Variants in HS3ST4 observed in about 807,000 individuals in gnomAD.
The protein encoded by HS3ST4 is heparan sulfate glucosamine 3-O-sulfotransferase 4.
A neutral mutation model predicts 29.2 loss-of-function variants in HS3ST4; 17 were observed. The ratio of observed to expected loss-of-function variants is 0.58; its 90% CI spans 0.40 to 0.87. The LOEUF (loss-of-function observed/expected upper bound fraction) is 0.87, where lower values mean the gene tolerates loss of function less well. HS3ST4 is among the 40% of genes least tolerant of loss of function. The probability of loss-of-function intolerance (pLI) is 0.00; values close to 1 mark genes in which losing one functional copy is unlikely to be tolerated. For synonymous variants in HS3ST4, 314 were observed against 285.7 expected (o/e 1.10, Z -1.00); for missense variants, 627 against 634.5 (o/e 0.99, Z 0.13).
chr16:25,828,264 CTTT>C (rs1967247120), intron 1 of HS3ST4, among the ~76,000 whole-genome samples: 1 of 81,290 alleles, frequency 1.2e-5, no homozygotes, highest in African/African-American at 5.4e-5. Context: ...TTCTTTCTTT[CTTT>C]CTTTCTTTCT....
intron 1 of HS3ST4, among the ~76,000 whole-genome samples, chr16:26,085,056 C>T (rs1047670489): frequency 1.3e-5 from 2 of 152,326 alleles, no homozygotes; most frequent in African/African-American, 4.8e-5. Flanking sequence ...CATGGCCTCT[C>T]AGTTATGACT....
In HS3ST4 at chr16:25,762,893, A is replaced by AAG. The variant is rs1555464551; in HGVS notation, c.734+69743_734+69744insGA. Among the ~76,000 whole-genome samples the AAG allele has an allele frequency of 1.4e-3, 215 of 149,272 alleles. 1 individual carries two copies. The highest frequency in any genetic ancestry group is 4.5e-3 in the African/African-American group (182 of 40,030). ...CCCTGTCTCAAAAAAAAAAAAAAAA[A>AAG]AAAAAAGAAAAAAGAAAGAAAATGC... On this transcript the variant is annotated intron_variant, in intron 1 of 1. Coordinates refer to ENST00000331351, the MANE Select transcript of HS3ST4 (RefSeq NM_006040.3).
chr16:25,882,369 T>C (rs1258540444), intron 1 of HS3ST4, among the ~76,000 whole-genome samples: 1 of 152,096 alleles, frequency 6.6e-6, no homozygotes, highest in East Asian at 1.9e-4. Context: ...TGCAGAAGTT[T>C]ATGTTCCTGA....
intron 1 of HS3ST4, among the ~76,000 whole-genome samples, chr16:25,955,585 C>T (rs546551866): frequency 3.3e-5 from 5 of 152,116 alleles, no homozygotes; most frequent in African/African-American, 1.2e-4. Flanking sequence ...ATCATGCTAA[C>T]CCCCATGCTC....
intron 1 of HS3ST4, among the ~76,000 whole-genome samples, chr16:25,903,145 C>T (rs141866420): frequency 2.9e-4 from 44 of 151,790 alleles, no homozygotes; most frequent in African/African-American, 1.1e-3. Flanking sequence ...CATCTTACCC[C>T]CAAACTCCTT....
intron 1 of HS3ST4, among the ~76,000 whole-genome samples, chr16:25,733,100 G>A (rs1966582643): frequency 6.6e-6 from 1 of 152,148 alleles, no homozygotes; most frequent in African/African-American, 2.4e-5. Context: ...TTATACCTAG[G>A]CTTTCTCTTC....
chr16:26,089,512 T>C (rs1354863406), intron 1 of HS3ST4, among the ~76,000 whole-genome samples: 1 of 152,172 alleles, frequency 6.6e-6, no homozygotes, highest in African/African-American at 2.4e-5. Flanking sequence ...GAAGAGCAGA[T>C]AGAAGGACAA....
At chr16:25,866,066 A>G (rs902265091) in intron 1 of HS3ST4, among the ~76,000 whole-genome samples, 29 of 152,216 alleles carry the variant, frequency 1.9e-4, no homozygotes, top group Non-Finnish European at 5.9e-5. Context: ...TTTGCAAACT[A>G]TCCATTTGTA....
intron 1 of HS3ST4, among the ~76,000 whole-genome samples, chr16:25,989,581 C>T (rs547666541): frequency 4.9e-4 from 74 of 152,240 alleles, no homozygotes; most frequent in African/African-American, 1.6e-3. Context: ...TTAACATAGG[C>T]ATTTACAAGC....
chr16:26,019,635 C>A (rs921285060), intron 1 of HS3ST4, among the ~76,000 whole-genome samples: 5 of 152,122 alleles, frequency 3.3e-5, no homozygotes, highest in African/African-American at 1.2e-4. Context: ...CCGTCTGGCT[C>A]CTGGGATCTA....
chr16:25,834,375 G>C (rs567735168), intron 1 of HS3ST4, among the ~76,000 whole-genome samples: 3 of 152,308 alleles, frequency 2.0e-5, no homozygotes, highest in Non-Finnish European at 2.9e-5. Flanking sequence ...CTGGCCTAGA[G>C]AAATTCTGGC....
chr16:25,752,380 A>G (rs1966727773), intron 1 of HS3ST4, among the ~76,000 whole-genome samples: 1 of 152,186 alleles, frequency 6.6e-6, no homozygotes, highest in East Asian at 1.9e-4. Context: ...CTCATGAAAA[A>G]TGAGTCCTTA....
At chr16:25,846,242 T>A (rs1354910447) in intron 1 of HS3ST4, among the ~76,000 whole-genome samples, 1 of 152,210 alleles carries the variant, frequency 6.6e-6, no homozygotes, top group African/African-American at 2.4e-5. Flanking sequence ...GTAGGAAAAG[T>A]CAAAATAAAT....
At chr16:25,756,788 AT>A (rs1379089661) in intron 1 of HS3ST4, among the ~76,000 whole-genome samples, 2 of 152,346 alleles carry the variant, frequency 1.3e-5, no homozygotes, top group Admixed American at 6.5e-5. Context: ...TGTTAAAAAA[AT>A]AAAAGACCTA....
chr16:25,851,552 G>GTC (rs1452292396), intron 1 of HS3ST4, among the ~76,000 whole-genome samples: 8 of 152,054 alleles, frequency 5.3e-5, no homozygotes, highest in African/African-American at 1.9e-4. Flanking sequence ...TCCACACACT[G>GTC]TCTGTCCCTG....
intron 1 of HS3ST4, among the ~76,000 whole-genome samples, chr16:26,107,007 G>A (rs1038274897): frequency 2.6e-5 from 4 of 151,874 alleles, no homozygotes; most frequent in African/African-American, 7.3e-5. Context: ...GTTCTTCCCC[G>A]TCTTCACAAC....
chr16:25,737,253 C>T (rs959626012), intron 1 of HS3ST4, among the ~76,000 whole-genome samples: 5 of 152,068 alleles, frequency 3.3e-5, no homozygotes, highest in Admixed American at 6.5e-5. Context: ...CATGCTCAGG[C>T]GATGACCGTA....
At chr16:25,766,807 C>T (rs1966822372) in intron 1 of HS3ST4, among the ~76,000 whole-genome samples, 1 of 152,206 alleles carries the variant, frequency 6.6e-6, no homozygotes, top group African/African-American at 2.4e-5. Flanking sequence ...CAGGCCTTGC[C>T]TCAGTTTACC....
intron 1 of HS3ST4, among the ~76,000 whole-genome samples, chr16:25,761,637 T>C (rs1438854941): frequency 6.6e-6 from 1 of 151,968 alleles, no homozygotes; most frequent in Non-Finnish European, 1.5e-5. Flanking sequence ...ATCTTGAGAG[T>C]CAGTTCTCCA....
Sources: gnomAD v4.1 joint callset for allele counts (sites outside exome capture counted in the v4.1 genomes callset) on GRCh38, gnomAD v4.1.1 for gene constraint, MANE v1.5 for transcripts, NCBI Gene and HGNC (gene_info 2026-07-23, HGNC 2026-07-21) for gene names.